Variants in C5 observed in about 807,000 individuals in gnomAD.
The protein encoded by C5 is complement C5.
Under a neutral mutation model 218.8 loss-of-function variants are expected in C5, and 140 were observed. That is an observed-to-expected ratio of 0.64 (90% CI 0.56 to 0.74). The LOEUF (loss-of-function observed/expected upper bound fraction) is 0.74, where lower values mean the gene tolerates loss of function less well. C5 is among the 30% of genes least tolerant of loss of function. The pLI, the probability that C5 is intolerant of heterozygous loss-of-function variation, is 0.00. For synonymous variants in C5, 614 were observed against 682.3 expected, an observed-to-expected ratio of 0.90 and a Z score of 1.56; for missense variants, 1,700 against 1,969.6, an observed-to-expected ratio of 0.86 and a Z score of 2.59.
the C5 span, among the ~76,000 whole-genome samples, chr9:121,067,663 T>C: frequency 1.3e-5 from 2 of 151,720 alleles, no homozygotes; most frequent in Non-Finnish European, 2.9e-5. Flanking sequence ...CAAACTGTAA[T>C]CCCCACGTGT....
chr9:121,056,121 C>T, the C5 span, among the ~76,000 whole-genome samples: 1 of 152,294 alleles, frequency 6.6e-6, no homozygotes, highest in East Asian at 1.9e-4. Flanking sequence ...TCTTGGAAAA[C>T]CTTCTCAAGG....
chr9:121,003,877 T>TG (rs1403880640), intron 20 of C5, among the ~76,000 whole-genome samples: 2 of 150,668 alleles, frequency 1.3e-5, no homozygotes, highest in East Asian at 3.9e-4. Flanking sequence ...GAGAAGATAA[T>TG]TTTTTTTTTG....
chr9:121,002,218 AT>A (rs2047169372), intron 20 of C5, among the ~76,000 whole-genome samples: 1 of 39,844 alleles, frequency 2.5e-5, no homozygotes, highest in South Asian at 1.5e-3. Flanking sequence ...ATATATACGT[AT>A]ATATATATAT....
chr9:120,978,847 C>T (rs909752524), intron 28 of C5, among the ~76,000 whole-genome samples: 1 of 152,128 alleles, frequency 6.6e-6, no homozygotes, highest in Non-Finnish European at 1.5e-5. Flanking sequence ...CCCCTTTTCA[C>T]TCTCAAAGCT....
At chr9:121,009,781 C>T (rs1428059619) in intron 17 of C5, among the ~76,000 whole-genome samples, 1 of 152,202 alleles carries the variant, frequency 6.6e-6, no homozygotes, top group Non-Finnish European at 1.5e-5. Context: ...TCTTGAAGCA[C>T]CAATGCCACT....
At position 121,001,853 on chromosome 9, in the gene C5, A is replaced by T. The variant is rs1385998741; in HGVS notation, c.2562+4066T>A. ...CCATGCCCTTTAGCCCAGTTAGTTC[A>T]CTCCAAGACAAAACATCTATCCTAC... On this transcript the variant is annotated intron_variant, in intron 20 of 40. Coordinates refer to ENST00000223642, the MANE Select transcript of C5 (RefSeq NM_001735.3). 2.0e-5 allele frequency among the ~76,000 whole-genome samples: 3 copies of T among 152,090 alleles called. No individual in the cohort carries two copies. In the East Asian group the frequency reaches 5.8e-4, roughly 29 times the overall value.
intron 20 of C5, among the ~76,000 whole-genome samples, chr9:120,998,673 T>C (rs913273037): frequency 6.6e-6 from 1 of 152,202 alleles, no homozygotes; most frequent in African/African-American, 2.4e-5. Context: ...TCTTATTAAC[T>C]GGTGATGGAA....
chr9:121,048,811 C>T (rs1388459195), intron 1 of C5, among the ~76,000 whole-genome samples: 2 of 152,184 alleles, frequency 1.3e-5, no homozygotes, highest in Non-Finnish European at 2.9e-5. Flanking sequence ...ATCTGGAATG[C>T]TCTTTCCTCA....
intron 25 of C5, among the ~76,000 whole-genome samples, chr9:120,986,447 T>TA (rs1335799223): frequency 6.6e-6 from 1 of 152,148 alleles, no homozygotes; most frequent in African/African-American, 2.4e-5. Context: ...ATTCGTACTT[T>TA]AAAAAATCTG....
the C5 span, among the ~76,000 whole-genome samples, chr9:121,069,197 C>G: frequency 6.6e-6 from 1 of 152,130 alleles, no homozygotes; most frequent in Non-Finnish European, 1.5e-5. Flanking sequence ...AAGCAATCAA[C>G]ATAGTGAAGA....
intron 17 of C5, among the ~76,000 whole-genome samples, chr9:121,013,313 C>A: frequency 8.8e-6 from 1 of 113,466 alleles, no homozygotes; most frequent in South Asian, 2.8e-4. Flanking sequence ...AGCCAGATTC[C>A]TACTGAAAAA....
chr9:120,970,074 T>C lies in C5; in HGVS notation c.4162+96A>G, dbSNP rs1416601355. The C allele has an allele frequency of 7.0e-6, 6 of 852,404 alleles. No homozygotes were observed. In the Admixed American group the frequency reaches 1.2e-4, roughly 17 times the overall value. The allele number at this position is 852,404 out of a possible 1,614,324, so 52.8% of individuals were successfully genotyped here. On this transcript the variant is annotated intron_variant, in intron 32 of 40. Coordinates refer to ENST00000223642, the MANE Select transcript of C5 (RefSeq NM_001735.3). ...GTATTTGGTTAAGAAATTTCACTTT[T>C]TGAGTAAGCACATTTTTACTAATCA...
At position 120,957,294 on chromosome 9, in the gene C5, A is replaced by G. The variant is rs1419847919; in HGVS notation, c.4753T>C (p.Tyr1585His). 1 of 1,605,846 alleles carries G rather than the reference A, an allele frequency of 6.2e-7. No homozygotes were observed. The highest frequency in any genetic ancestry group is 8.5e-7 in the Non-Finnish European group (1 of 1,172,788). ...VKYKATLLDI[Y>H]KTGEAVAEKD... Reference sequence around the variant, plus strand: ...ACGAATGAATTCTCACCAGTTTTGTAGATATCCAGAAGGGTTGCCTTGTAC... The same window carrying G: ...ACGAATGAATTCTCACCAGTTTTGTGGATATCCAGAAGGGTTGCCTTGTAC... Residue 1585 changes from tyrosine to histidine, a missense_variant, in exon 39 of 41, where the codon TAC (tyrosine) becomes CAC (histidine). Transcript: ENST00000223642.
Position 120,957,276 on chromosome 9 carries a change from A to C in C5, c.4762+9T>G. On this transcript the variant is annotated intron_variant, in intron 39 of 40. Coordinates refer to ENST00000223642, the MANE Select transcript of C5 (RefSeq NM_001735.3). ...GAATGAAGGAACGAATGAACGAATGAATTCTCACCAGTTTTGTAGATATCC... is the reference window on the plus strand; with the variant it reads ...GAATGAAGGAACGAATGAACGAATGCATTCTCACCAGTTTTGTAGATATCC... 6.3e-7 allele frequency: 1 copy of C among 1,586,252 alleles called. No homozygotes were observed. The highest frequency in any genetic ancestry group is 2.2e-5 in the East Asian group (1 of 44,640).
At position 120,960,527 on chromosome 9, in the gene C5, A is replaced by T. The variant is rs2046819414; in HGVS notation, c.4589-190T>A. ...ATTACATAAAGAAAACAAAACAAAC[A>T]AAAACAAAAAACAAAATCTTGAGCA... On this transcript the variant is annotated intron_variant, in intron 37 of 40. Coordinates refer to ENST00000223642, the MANE Select transcript of C5 (RefSeq NM_001735.3). Among the ~76,000 whole-genome samples the T allele has an allele frequency of 2.0e-5, 3 of 152,266 alleles. No individual in the cohort carries two copies. In the South Asian group the frequency reaches 6.2e-4, roughly 32 times the overall value.
Position 120,997,553 on chromosome 9 carries a change from T to C in C5, c.2784A>G (p.Arg928=). ...TGAAGCATGTTTTTCTTACCACCAC[T>C]CGTAATGTTTTTACTAAGATTTCTT... ...FGKEILVKTL[R]VVPEGVKRES... Residue 928 remains arginine, a synonymous_variant, in exon 21 of 41, where the codon CGA becomes CGG. Coordinates refer to ENST00000223642, the MANE Select transcript of C5 (RefSeq NM_001735.3). 6.2e-7 allele frequency: 1 copy of C among 1,610,196 alleles called. No individual in the cohort carries two copies.
At chr9:121,046,554 A>C (rs1044175217) in intron 1 of C5, among the ~76,000 whole-genome samples, 171 bp from the exon 2 acceptor site, 1 of 152,174 alleles carries the variant, frequency 6.6e-6, no homozygotes, top group African/African-American at 2.4e-5. Context: ...ACTTCAGCAT[A>C]ATTTCCAAGT....
At position 121,005,804 on chromosome 9, in the gene C5, C is replaced by A. The variant is rs990275061; in HGVS notation, c.2562+115G>T. 85 of 1,013,686 alleles carry A rather than the reference C, an allele frequency of 8.4e-5. 4 individuals are homozygous for A. The South Asian group carries it at 1.1e-3, about 14-fold the overall frequency. 62.8% of individuals were successfully genotyped at this position (1,013,686 alleles called of 1,614,324 possible). A position where few individuals can be genotyped will look rare whatever the true frequency, so the allele number is the denominator to read the frequency against. On this transcript the variant is annotated intron_variant, in intron 20 of 40. Transcript: ENST00000223642. ...AATGCTCATTTTAAGTGTTTGGTTT[C>A]TATTGCTGAACTGAGTTGAACTTCT...
chr9:120,969,005 C>T (rs1226601500), intron 33 of C5, 56 bp downstream of exon 33: 12 of 1,424,602 alleles, frequency 8.4e-6, no homozygotes, highest in Middle Eastern at 1.7e-4. Flanking sequence ...AGAAACAATA[C>T]GTTAACAAAA....
Sources: allele counts gnomAD v4.1 joint callset (sites outside exome capture counted in the v4.1 genomes callset), GRCh38; gene constraint gnomAD v4.1.1; transcripts MANE v1.5; gene names NCBI Gene and HGNC (gene_info 2026-07-23, HGNC 2026-07-21).